The following GPCPD1 variants were observed in gnomAD, a reference collection of about 807,000 sequenced individuals.
GPCPD1 encodes glycerophosphocholine phosphodiesterase GPCPD1.
GPCPD1 carries 29 observed loss-of-function variants against 89.2 expected under a neutral mutation model. The observed-to-expected ratio is 0.33, with a 90% CI of 0.24 to 0.44. The LOEUF (loss-of-function observed/expected upper bound fraction) is 0.44. Ranked by LOEUF, GPCPD1 falls within the 20% of genes least tolerant of loss-of-function variation. The pLI is 1.00. For synonymous variants in GPCPD1, 258 were observed against 266.3 expected (o/e 0.97, Z 0.30); for missense variants, 594 against 808.9 (o/e 0.73, Z 3.22).
rs779432126 is a variant in GPCPD1, at chr20:5,558,775, T to C, written c.1577A>G (p.Gln526Arg). ...TTCAGGATAAATCTCAGATTTTCCT[T>C]GAGTTAAAAATAGTATCGGATATTT... ...QNKYPILFLT[Q>R]GKSEIYPELM... The change falls in exon 18 of 20, where the codon CAA becomes CGA. Residue 526 changes from glutamine to arginine, a missense_variant. Transcript: ENST00000379019. 1 of 1,591,312 alleles carries C rather than the reference T, an allele frequency of 6.3e-7. No homozygotes were observed. The highest frequency in any genetic ancestry group is 8.6e-7 in the Non-Finnish European group (1 of 1,166,954).
At chr20:5,597,842 T>C (rs887492602) in intron 3 of GPCPD1, among the ~76,000 whole-genome samples, 2 of 152,160 alleles carry the variant, frequency 1.3e-5, no homozygotes, top group Non-Finnish European at 2.9e-5. Context: ...CATACTAAGT[T>C]TACTGATGGA....
chr20:5,590,024 G>A (rs1276053693), intron 4 of GPCPD1, among the ~76,000 whole-genome samples: 1 of 152,100 alleles, frequency 6.6e-6, no homozygotes, highest in Non-Finnish European at 1.5e-5. Context: ...CTTAATGATT[G>A]TTTTCTTAAA....
intron 18 of GPCPD1, among the ~76,000 whole-genome samples, 196 bp from the exon 19 acceptor site, chr20:5,558,301 T>C (rs1275490036): frequency 6.6e-6 from 1 of 152,180 alleles, no homozygotes; most frequent in African/African-American, 2.4e-5. Context: ...TATTAATATA[T>C]ACATAATGTA....
chr20:5,578,665 A>G, intron 7 of GPCPD1, 54 bp from the exon 8 acceptor site: 1 of 1,109,164 alleles, frequency 9.0e-7, no homozygotes, highest in Non-Finnish European at 1.4e-6. Flanking sequence ...AGAAAAACTC[A>G]TACAAATGTT....
At chr20:5,571,700 G>GCC (rs2122640401) in intron 11 of GPCPD1, among the ~76,000 whole-genome samples, 1 of 152,282 alleles carries the variant, frequency 6.6e-6, no homozygotes, top group South Asian at 2.1e-4. Context: ...CCTGAGGTAA[G>GCC]AAGTTCAAGA....
intron 6 of GPCPD1, among the ~76,000 whole-genome samples, chr20:5,582,519 T>C (rs1978608683): frequency 6.6e-6 from 1 of 152,180 alleles, no homozygotes; most frequent in Non-Finnish European, 1.5e-5. Context: ...GCAATTTATC[T>C]CTGATTCAGA....
chr20:5,591,938 T>C (rs1333896866), intron 4 of GPCPD1, among the ~76,000 whole-genome samples: 1 of 152,232 alleles, frequency 6.6e-6, no homozygotes, highest in Non-Finnish European at 1.5e-5. Flanking sequence ...TTGCAAGTAT[T>C]ACAAGGAGAA....
chr20:5,591,537 A>G (rs1360122046), intron 4 of GPCPD1, among the ~76,000 whole-genome samples: 3 of 152,158 alleles, frequency 2.0e-5, no homozygotes, highest in African/African-American at 7.2e-5. Flanking sequence ...CCTTTCTCCC[A>G]TTTCAGCTTT....
Position 5,546,068 on chromosome 20 carries a change from G to A in GPCPD1, c.*1593C>T, listed in dbSNP as rs1277049443. Reference sequence around the variant, plus strand: ...TCTTTTTCAGGAGTTTTCCAAAAGTGCCCAATTCACACCAAAATTTTGGAA... The same window carrying A: ...TCTTTTTCAGGAGTTTTCCAAAAGTACCCAATTCACACCAAAATTTTGGAA... On this transcript the variant is annotated 3_prime_UTR_variant, in exon 20 of 20. Transcript: ENST00000379019. 1 of 152,188 alleles carries A rather than the reference G, an allele frequency of 6.6e-6. No individual in the cohort carries two copies. Among genetic ancestry groups the A allele is most frequent in the African/African-American group, 2.4e-5 (1 of 41,442 alleles). The allele number at this position is 152,188 out of a possible 1,614,324, so 9.4% of individuals were successfully genotyped here.
intron 19 of GPCPD1, chr20:5,549,262 C>T: frequency 2.4e-6 from 2 of 826,408 alleles, no homozygotes; most frequent in Admixed American, 1.8e-5. Context: ...TTTGATGACT[C>T]AGTGATGATA....
At chr20:5,577,211 C>T (rs1290212995) in intron 8 of GPCPD1, among the ~76,000 whole-genome samples, 2 of 151,926 alleles carry the variant, frequency 1.3e-5, no homozygotes, top group East Asian at 1.9e-4. Context: ...ATTACAGTCA[C>T]GCGCCAACAC....
chr20:5,566,251 G>A (rs956975226), intron 14 of GPCPD1, among the ~76,000 whole-genome samples: 3 of 152,106 alleles, frequency 2.0e-5, no homozygotes, highest in Non-Finnish European at 4.4e-5. Context: ...GAAAAGACAG[G>A]ACATATATGA....
chr20:5,599,169 C>G (rs1979948981), intron 2 of GPCPD1, among the ~76,000 whole-genome samples: 1 of 152,188 alleles, frequency 6.6e-6, no homozygotes, highest in South Asian at 2.1e-4. Flanking sequence ...AACAGACAAA[C>G]ACTAAATGCC....
intron 19 of GPCPD1, among the ~76,000 whole-genome samples, chr20:5,554,997 A>G (rs935668992): frequency 3.3e-5 from 5 of 152,234 alleles, no homozygotes; most frequent in African/African-American, 1.2e-4. Flanking sequence ...TGGAAATAGA[A>G]AGAGACCTAG....
At chr20:5,556,730 AT>A (rs1252232670) in intron 19 of GPCPD1, among the ~76,000 whole-genome samples, 1 of 152,200 alleles carries the variant, frequency 6.6e-6, no homozygotes, top group Non-Finnish European at 1.5e-5. Flanking sequence ...GGAAAAAAAA[AT>A]ATTTGTTCAA....
chr20:5,574,704 C>T (rs1030209718), intron 10 of GPCPD1, among the ~76,000 whole-genome samples: 1 of 152,158 alleles, frequency 6.6e-6, no homozygotes, highest in Non-Finnish European at 1.5e-5. Flanking sequence ...TGCCACTGCA[C>T]TCCAGCCTGA....
chr20:5,557,058 T>G (rs1030815050), intron 19 of GPCPD1, among the ~76,000 whole-genome samples: 4 of 152,244 alleles, frequency 2.6e-5, no homozygotes, highest in African/African-American at 9.6e-5. Flanking sequence ...ACGGAAGTCT[T>G]TCTCCAAAGA....
chr20:5,601,812 C>T (rs1980177193), intron 2 of GPCPD1, among the ~76,000 whole-genome samples: 1 of 152,178 alleles, frequency 6.6e-6, no homozygotes, highest in Admixed American at 6.5e-5. Flanking sequence ...GGTTCACTTG[C>T]CTCTTATAGG....
chr20:5,597,878 C>G (rs892066071), intron 3 of GPCPD1, among the ~76,000 whole-genome samples: 7 of 152,170 alleles, frequency 4.6e-5, no homozygotes, highest in South Asian at 4.1e-4. Flanking sequence ...GAATACATTT[C>G]TTCATATTAG....
Sources: gnomAD v4.1 joint callset for allele counts (sites outside exome capture counted in the v4.1 genomes callset) on GRCh38, gnomAD v4.1.1 for gene constraint, MANE v1.5 for transcripts, NCBI Gene and HGNC (gene_info 2026-07-23, HGNC 2026-07-21) for gene names.